Variants in RIPOR2 observed in about 807,000 individuals in gnomAD.
The protein encoded by RIPOR2 is rho family-interacting cell polarization regulator 2.
In RIPOR2, 39 loss-of-function variants were observed where a neutral mutation model predicts 114.5. The ratio of observed to expected loss-of-function variants is 0.34; its 90% CI spans 0.26 to 0.44. The LOEUF is 0.44. Ranked by LOEUF, RIPOR2 falls within the 20% of genes least tolerant of loss-of-function variation. RIPOR2 has a pLI of 1.00. For missense variants in RIPOR2, 1,007 were observed against 1,255.1 expected, an observed-to-expected ratio of 0.80 and a Z score of 2.99; for synonymous variants, 445 against 484.4, an observed-to-expected ratio of 0.92 and a Z score of 1.07.
chr6:24,862,508 C>T (rs1181411916), intron 7 of RIPOR2, among the ~76,000 whole-genome samples: 1 of 152,206 alleles, frequency 6.6e-6, no homozygotes, highest in Admixed American at 6.5e-5. Flanking sequence ...AAGAGAATGG[C>T]ATTGCTTTTT....
At chr6:25,023,504 T>C (rs1776431905) in intron 1 of RIPOR2, 1 of 770,890 alleles carries the variant, frequency 1.3e-6, no homozygotes, top group Non-Finnish European at 2.4e-6. Flanking sequence ...AAATTCACAC[T>C]CAGGGCTATG....
At chr6:24,949,433 T>A (rs1772632100) in intron 1 of RIPOR2, among the ~76,000 whole-genome samples, 1 of 152,194 alleles carries the variant, frequency 6.6e-6, no homozygotes. Flanking sequence ...CCTTGCAAAT[T>A]CAGCAGTAGA....
In RIPOR2 at chr6:24,978,255, T is replaced by G. The variant is rs370618668; in HGVS notation, c.76+63596A>C. ...AGCTGAAGGTCGCCACTGGCACGGT[T>G]TTAGGCATATCCCTTCACTTCACTG... is the stretch of plus-strand genomic sequence containing the variant. On this transcript the variant is annotated intron_variant, in intron 1 of 13. Transcript: ENST00000510784. 2.5e-4 allele frequency among the ~76,000 whole-genome samples: 38 copies of G among 152,244 alleles called. 2 individuals carry two copies. The South Asian group carries it at 6.8e-3, about 27-fold the overall frequency.
chr6:24,832,233 C>A, intron 16 of RIPOR2, 23 bp downstream of exon 16: 3 of 1,549,536 alleles, frequency 1.9e-6, no homozygotes, highest in Middle Eastern at 1.7e-4. Flanking sequence ...ACGTGAATAG[C>A]GGTGTAACTG....
rs1217099003 is a variant in RIPOR2, at chr6:24,805,183, A to C, written c.*1190T>G. ...ACAGCTTTTGGTTTTGATTTGTCTTAGCAGCAAAACACCCCTATGGTAAGA... is the reference window on the plus strand; with the variant it reads ...ACAGCTTTTGGTTTTGATTTGTCTTCGCAGCAAAACACCCCTATGGTAAGA... On this transcript the variant is annotated 3_prime_UTR_variant, in exon 22 of 22. Transcript: ENST00000643898. 6.6e-6 allele frequency: 1 copy of C among 152,070 alleles called. No homozygotes were observed. The highest frequency in any genetic ancestry group is 2.4e-5 in the African/African-American group (1 of 41,400). 9.4% of individuals were successfully genotyped at this position (152,070 alleles called of 1,614,324 possible). A position where few individuals can be genotyped will look rare whatever the true frequency, so the allele number is the denominator to read the frequency against.
At chr6:24,837,298 T>A (rs1321595772) in intron 14 of RIPOR2, among the ~76,000 whole-genome samples, 1 of 152,034 alleles carries the variant, frequency 6.6e-6, no homozygotes, top group East Asian at 1.9e-4. Flanking sequence ...AATTTTTGTA[T>A]TTTTAGTAGA....
At chr6:24,895,529 T>C (rs1767780352) in intron 1 of RIPOR2, among the ~76,000 whole-genome samples, 1 of 151,960 alleles carries the variant, frequency 6.6e-6, no homozygotes, top group Non-Finnish European at 1.5e-5. Flanking sequence ...CCTTTTAACA[T>C]GTAAAGAAAA....
upstream of RIPOR2, among the ~76,000 whole-genome samples, chr6:24,938,525 T>G (rs1771943149): frequency 6.6e-6 from 1 of 152,248 alleles, no homozygotes. Context: ...GGATAATTTA[T>G]GTAAAGAAGC....
chr6:24,910,152 C>G (rs1769404766), intron 1 of RIPOR2, among the ~76,000 whole-genome samples: 1 of 152,188 alleles, frequency 6.6e-6, no homozygotes, highest in African/African-American at 2.4e-5. Context: ...TGCTAGGGTG[C>G]TCCTGTCCTC....
intron 1 of RIPOR2, among the ~76,000 whole-genome samples, chr6:24,993,789 C>A (rs1774934294): frequency 6.6e-6 from 1 of 152,202 alleles, no homozygotes; most frequent in Admixed American, 6.5e-5. Flanking sequence ...AATGTATTTT[C>A]TATGGCTGCA....
chr6:24,942,700 A>G (rs1241076239), intron 1 of RIPOR2, among the ~76,000 whole-genome samples: 1 of 152,214 alleles, frequency 6.6e-6, no homozygotes, highest in Non-Finnish European at 1.5e-5. Context: ...TTTTGGCTAT[A>G]TAAATGTCTT....
chr6:24,862,804 A>AC (rs1343517640), intron 7 of RIPOR2, among the ~76,000 whole-genome samples: 15 of 130,878 alleles, frequency 1.1e-4, no homozygotes, highest in South Asian at 2.9e-4. Context: ...GACCACTGGC[A>AC]CCCCCCCACC....
intron 1 of RIPOR2, among the ~76,000 whole-genome samples, chr6:25,031,906 TTAA>T (rs1321091621): frequency 6.6e-6 from 1 of 150,516 alleles, no homozygotes; most frequent in African/African-American, 2.4e-5. Flanking sequence ...GTGAAACGTA[TTAA>T]TAATAAAATG....
chr6:24,851,910 T>C (rs1049608029), intron 9 of RIPOR2, among the ~76,000 whole-genome samples: 17 of 152,134 alleles, frequency 1.1e-4, no homozygotes, highest in African/African-American at 3.9e-4. Context: ...CTTTCCATTC[T>C]TAGAAGAATT....
chr6:25,036,627 G>A lies in RIPOR2; in HGVS notation c.76+5224C>T, dbSNP rs146995368. ...AGGCTGGTCTCTAATTCCTGGCCTC[G>A]AGTGATCCTCCCACCTCAGCCTCCC... On this transcript the variant is annotated intron_variant, in intron 1 of 13. Coordinates refer to the RIPOR2 transcript ENST00000510784. Among the ~76,000 whole-genome samples, 11 of 152,124 alleles carry A rather than the reference G, an allele frequency of 7.2e-5. No homozygotes were observed. The East Asian group carries it at 1.9e-3, about 27-fold the overall frequency.
intron 15 of RIPOR2, among the ~76,000 whole-genome samples, chr6:24,833,542 A>G (rs1177839818): frequency 6.6e-6 from 1 of 152,120 alleles, no homozygotes; most frequent in Non-Finnish European, 1.5e-5. Flanking sequence ...AAAACAAAAC[A>G]AAGTCTAGTG....
At position 24,843,436 on chromosome 6, in the gene RIPOR2, C is replaced by T. The variant is rs1581561883; in HGVS notation, c.1283G>A (p.Gly428Asp). 2.5e-6 allele frequency: 4 copies of T among 1,612,330 alleles called. No individual in the cohort carries two copies. Among genetic ancestry groups the T allele is most frequent in the East Asian group, 4.5e-5 (2 of 44,832 alleles). ...TGGATTTGTTGAGTTGGAAGGGGAG[C>T]CTGTTGAGTGGGAGGTGAGGGCGCA... ...GDCALTSHST[G>D]SPSNSTNPEI... Residue 428 changes from glycine (G) to aspartate (D), a missense_variant, in exon 13 of 22, where the codon GGC becomes GAC. Physicochemically the swap from Gly to Asp is moderately conservative, Grantham distance 94. Coordinates refer to ENST00000643898, the MANE Select transcript of RIPOR2 (RefSeq NM_001286445.3).
At chr6:24,986,853 C>T (rs1480745083) in intron 1 of RIPOR2, among the ~76,000 whole-genome samples, 1 of 151,634 alleles carries the variant, frequency 6.6e-6, no homozygotes. Flanking sequence ...CTGGGCCACA[C>T]TGGAAGAAGA....
chr6:24,837,931 C>T (rs1323015770), intron 14 of RIPOR2, among the ~76,000 whole-genome samples: 2 of 152,094 alleles, frequency 1.3e-5, no homozygotes, highest in Non-Finnish European at 1.5e-5. Flanking sequence ...AACCCATTTA[C>T]GTCATATTGT....
Sources: allele counts gnomAD v4.1 joint callset (sites outside exome capture counted in the v4.1 genomes callset), GRCh38; gene constraint gnomAD v4.1.1; transcripts MANE v1.5; gene names NCBI Gene and HGNC (gene_info 2026-07-23, HGNC 2026-07-21).